SHOC2: variants seen among roughly 807,000 people sequenced by gnomAD.
SHOC2 encodes SHOC2 leucine rich repeat scaffold protein.
In SHOC2, 4 loss-of-function variants were observed where a neutral mutation model predicts 50.2. The observed-to-expected ratio is 0.08, with a 90% CI of 0.04 to 0.18. SHOC2 has a LOEUF of 0.18. SHOC2 is among the 10% of genes least tolerant of loss of function. The pLI, the probability that SHOC2 is intolerant of heterozygous loss-of-function variation, is 1.00. For missense variants in SHOC2, 388 were observed against 669.6 expected (o/e 0.58, Z 4.64); for synonymous variants, 218 against 244.5 (o/e 0.89, Z 1.01).
rs902242330 is a variant in SHOC2, at chr10:111,011,933, A to C, written c.*115A>C. 2 of 873,980 alleles carry C rather than the reference A, an allele frequency of 2.3e-6. No homozygotes were observed. Among genetic ancestry groups the C allele is most frequent in the African/African-American group, 1.7e-5 (1 of 59,726 alleles). The allele number at this position is 873,980 out of a possible 1,614,324, so 54.1% of individuals were successfully genotyped here. A position where few individuals can be genotyped will look rare whatever the true frequency, so the allele number is the denominator to read the frequency against. Reference sequence around the variant, plus strand: ...TATATGGCAGATTTATAAAAATTGCATTATGTGTTTCTGCTAATAGAGGAA... The same window carrying C: ...TATATGGCAGATTTATAAAAATTGCCTTATGTGTTTCTGCTAATAGAGGAA... On this transcript the variant is annotated 3_prime_UTR_variant, in exon 9 of 9. Transcript: ENST00000369452.
At position 111,011,901 on chromosome 10, in the gene SHOC2, A is replaced by G. The variant is rs1196568516; in HGVS notation, c.*83A>G. ...TCTATATCTGTATCTATTTATGTAGATATTGGTATATGGCAGATTTATAAA... is the reference window on the plus strand; with the variant it reads ...TCTATATCTGTATCTATTTATGTAGGTATTGGTATATGGCAGATTTATAAA... On this transcript the variant is annotated 3_prime_UTR_variant, in exon 9 of 9. Coordinates refer to ENST00000369452, the MANE Select transcript of SHOC2 (RefSeq NM_007373.4). The G allele has an allele frequency of 3.7e-6, 4 of 1,071,684 alleles. No homozygotes were observed. The East Asian group carries it at 9.6e-5, about 26-fold the overall frequency. 66.4% of individuals were successfully genotyped at this position (1,071,684 alleles called of 1,614,324 possible). A position where few individuals can be genotyped will look rare whatever the true frequency, so the allele number is the denominator to read the frequency against.
intron 2 of SHOC2, among the ~76,000 whole-genome samples, chr10:110,967,177 G>A (rs930722499): frequency 2.0e-5 from 3 of 152,074 alleles, no homozygotes; most frequent in African/African-American, 7.2e-5. Flanking sequence ...CAATGAAATA[G>A]GTATTTTCCC....
At chr10:110,952,064 A>G (rs1249435601) in intron 1 of SHOC2, among the ~76,000 whole-genome samples, 2 of 152,172 alleles carry the variant, frequency 1.3e-5, no homozygotes, top group South Asian at 2.1e-4. Context: ...AGACAATGAA[A>G]CTACTAGTTT....
At chr10:110,994,980 TA>T (rs1355032765) in intron 3 of SHOC2, among the ~76,000 whole-genome samples, 1 of 152,218 alleles carries the variant, frequency 6.6e-6, no homozygotes, top group Non-Finnish European at 1.5e-5. Context: ...TGAACATATA[TA>T]TTTTTCAATT....
At chr10:110,988,189 A>G (rs893339165) in intron 3 of SHOC2, among the ~76,000 whole-genome samples, 1 of 152,154 alleles carries the variant, frequency 6.6e-6, no homozygotes, top group Non-Finnish European at 1.5e-5. Flanking sequence ...ATGTAATGTT[A>G]TACAACCTAT....
intron 1 of SHOC2, among the ~76,000 whole-genome samples, chr10:110,929,758 A>G (rs914905283): frequency 1.3e-5 from 2 of 152,192 alleles, no homozygotes; most frequent in African/African-American, 4.8e-5. Flanking sequence ...AGTACCTCCC[A>G]AAGGTCCCAT....
At chr10:110,947,630 A>G (rs1847271102) in intron 1 of SHOC2, among the ~76,000 whole-genome samples, 1 of 152,228 alleles carries the variant, frequency 6.6e-6, no homozygotes, top group South Asian at 2.1e-4. Flanking sequence ...AGAAGTTAAG[A>G]GTTTTTGTAT....
chr10:110,956,881 G>A (rs190659152), intron 1 of SHOC2, among the ~76,000 whole-genome samples: 4 of 151,380 alleles, frequency 2.6e-5, no homozygotes, highest in Non-Finnish European at 4.4e-5. Context: ...GAAATATCTC[G>A]TAAGTAGCTT....
chr10:110,960,114 A>G (rs1847543202), intron 1 of SHOC2, among the ~76,000 whole-genome samples: 2 of 152,362 alleles, frequency 1.3e-5, no homozygotes, highest in South Asian at 4.1e-4. Context: ...GGAATGATTT[A>G]AAACCTGACA....
chr10:110,922,790 CAG>C lies in SHOC2; in HGVS notation c.-235+3136_-235+3137del, dbSNP rs528121667. On this transcript the variant is annotated intron_variant, in intron 1 of 8. Transcript: ENST00000369452. ...TACTCGTTTATAAAATATCAATTAA[CAG>C]AGGAAATTTAAATATAAATTGGATA... Among the ~76,000 whole-genome samples the C allele has an allele frequency of 3.6e-3, 551 of 152,028 alleles. 2 individuals are homozygous for C. The highest frequency in any genetic ancestry group is 0.013 in the African/African-American group (536 of 41,514).
chr10:110,980,934 G>A (rs1464980739), intron 2 of SHOC2, among the ~76,000 whole-genome samples: 1 of 152,066 alleles, frequency 6.6e-6, no homozygotes, highest in Non-Finnish European at 1.5e-5. Context: ...GCACACTACA[G>A]TGTAAGTTTC....
intron 2 of SHOC2, among the ~76,000 whole-genome samples, chr10:110,969,393 T>A (rs1299310581): frequency 6.6e-6 from 1 of 152,204 alleles, no homozygotes; most frequent in East Asian, 1.9e-4. Flanking sequence ...TTGAGTTTCT[T>A]GTAAAAGATG....
intron 1 of SHOC2, among the ~76,000 whole-genome samples, chr10:110,936,084 T>C (rs1463269984): frequency 1.3e-5 from 2 of 151,718 alleles, no homozygotes; most frequent in South Asian, 2.1e-4. Flanking sequence ...ACTCTAGATA[T>C]TGCTTCACTG....
intron 1 of SHOC2, among the ~76,000 whole-genome samples, chr10:110,956,362 G>A (rs1297892384): frequency 6.6e-6 from 1 of 152,052 alleles, no homozygotes; most frequent in Non-Finnish European, 1.5e-5. Context: ...ACAGGTGCGC[G>A]CCAGCACACC....
chr10:110,995,390 C>G (rs1742584551), intron 3 of SHOC2, among the ~76,000 whole-genome samples: 1 of 152,100 alleles, frequency 6.6e-6, no homozygotes. Flanking sequence ...AAGAATGGCT[C>G]AATGAACAAA....
At chr10:111,011,055 GA>G (rs1404289047) in intron 8 of SHOC2, among the ~76,000 whole-genome samples, 5 of 152,190 alleles carry the variant, frequency 3.3e-5, no homozygotes, top group Middle Eastern at 3.4e-3. Flanking sequence ...AGTATCCTAA[GA>G]AAAAATTTTT....
intron 1 of SHOC2, among the ~76,000 whole-genome samples, chr10:110,931,410 T>C (rs1472233837): frequency 1.3e-5 from 2 of 152,200 alleles, no homozygotes; most frequent in Admixed American, 6.5e-5. Flanking sequence ...GACCAATCTT[T>C]TGGTCTTCTA....
chr10:111,008,282 T>C (rs1293760293), intron 6 of SHOC2, among the ~76,000 whole-genome samples: 2 of 151,226 alleles, frequency 1.3e-5, no homozygotes, highest in Non-Finnish European at 3.0e-5. Context: ...ATCCCTTTGA[T>C]GAAAATGCTT....
chr10:110,924,823 A>G (rs903200104), intron 1 of SHOC2, among the ~76,000 whole-genome samples: 12 of 152,102 alleles, frequency 7.9e-5, no homozygotes, highest in African/African-American at 2.7e-4. Flanking sequence ...TAATCCCTGC[A>G]CTTTGAGAAG....
Sources: gnomAD v4.1 joint callset for allele counts (sites outside exome capture counted in the v4.1 genomes callset) on GRCh38, gnomAD v4.1.1 for gene constraint, MANE v1.5 for transcripts, NCBI Gene and HGNC (gene_info 2026-07-23, HGNC 2026-07-21) for gene names.